Variants in ZNF385D observed in about 807,000 individuals in gnomAD.
The protein encoded by ZNF385D is zinc finger protein 385D.
A neutral mutation model predicts 35.8 loss-of-function variants in ZNF385D; 15 were observed. The ratio of observed to expected loss-of-function variants is 0.42; its 90% CI spans 0.28 to 0.64. The LOEUF (loss-of-function observed/expected upper bound fraction) is 0.64, where lower values mean the gene tolerates loss of function less well. Among genes scored for constraint, ZNF385D ranks in the 30% least tolerant of loss-of-function variants. ZNF385D has a pLI of 0.23. For synonymous variants in ZNF385D, 212 were observed against 186.8 expected (o/e 1.13, Z -1.10); for missense variants, 474 against 494.6 (o/e 0.96, Z 0.39).
intron 3 of ZNF385D, among the ~76,000 whole-genome samples, chr3:21,871,267 A>G (rs1157352462): frequency 6.6e-6 from 1 of 152,156 alleles, no homozygotes; most frequent in East Asian, 1.9e-4. Flanking sequence ...GATCTGCTCC[A>G]ATGTCACATT....
chr3:22,226,034 G>A (rs761127253), intron 2 of ZNF385D, among the ~76,000 whole-genome samples: 1 of 151,782 alleles, frequency 6.6e-6, no homozygotes, highest in Non-Finnish European at 1.5e-5. Flanking sequence ...ACTTCCATAT[G>A]CACAGTACTG....
At chr3:21,575,203 G>A (rs2063461358) in intron 2 of ZNF385D, among the ~76,000 whole-genome samples, 2 of 152,122 alleles carry the variant, frequency 1.3e-5, no homozygotes, top group Admixed American at 1.3e-4. Context: ...TACTTTCTAT[G>A]GGATTTGAGT....
chr3:21,692,321 T>C (rs1279542588), intron 1 of ZNF385D, among the ~76,000 whole-genome samples: 4 of 152,284 alleles, frequency 2.6e-5, no homozygotes, highest in Middle Eastern at 3.4e-3. Context: ...TCCCACTACA[T>C]TCCTGACTCC....
intron 4 of ZNF385D, among the ~76,000 whole-genome samples, chr3:21,438,153 G>A (rs1028535904): frequency 1.1e-4 from 16 of 152,072 alleles, no homozygotes; most frequent in East Asian, 7.7e-4. Flanking sequence ...TCACTGTTAC[G>A]TTAGCAATGT....
At chr3:21,734,264 A>G (rs1276747615) in intron 1 of ZNF385D, among the ~76,000 whole-genome samples, 8 of 134,480 alleles carry the variant, frequency 5.9e-5, no homozygotes. Context: ...ACTAGGCAGT[A>G]GGAAACCCAG....
chr3:22,159,135 T>TA (rs1161844818), intron 3 of ZNF385D, among the ~76,000 whole-genome samples: 1 of 151,690 alleles, frequency 6.6e-6, no homozygotes, highest in African/African-American at 2.4e-5. Flanking sequence ...GTTCACACAT[T>TA]AAAAAAAATT....
chr3:21,934,625 G>T (rs749367327), intron 3 of ZNF385D, among the ~76,000 whole-genome samples: 5 of 152,194 alleles, frequency 3.3e-5, no homozygotes, highest in East Asian at 3.9e-4. Flanking sequence ...ATTAGAAATA[G>T]ATTACAATTA....
chr3:21,427,804 T>C (rs949163258), intron 5 of ZNF385D, among the ~76,000 whole-genome samples: 3 of 152,164 alleles, frequency 2.0e-5, no homozygotes, highest in Non-Finnish European at 2.9e-5. Flanking sequence ...TATTTAAGTA[T>C]AGTCTCTCCA....
At chr3:21,972,756 A>C (rs1233559424) in intron 3 of ZNF385D, among the ~76,000 whole-genome samples, 1 of 151,918 alleles carries the variant, frequency 6.6e-6, no homozygotes, top group Non-Finnish European at 1.5e-5. Context: ...TACAACTAAT[A>C]CCACAGAAAT....
intron 3 of ZNF385D, among the ~76,000 whole-genome samples, chr3:21,884,554 A>G (rs1450881121): frequency 1.3e-5 from 2 of 152,066 alleles, no homozygotes; most frequent in Non-Finnish European, 2.9e-5. Flanking sequence ...AGTTTTCAAC[A>G]CAGCCAACAT....
intron 4 of ZNF385D, among the ~76,000 whole-genome samples, chr3:21,469,376 T>G (rs1414936279): frequency 1.3e-5 from 2 of 152,224 alleles, no homozygotes; most frequent in East Asian, 3.8e-4. Context: ...TGCCTCCAGC[T>G]GACCTCATAC....
At chr3:22,034,800 A>G (rs1698211462) in intron 3 of ZNF385D, among the ~76,000 whole-genome samples, 1 of 152,178 alleles carries the variant, frequency 6.6e-6, no homozygotes, top group South Asian at 2.1e-4. Context: ...CAATAATGAG[A>G]GAAAATATTT....
At position 21,664,930 on chromosome 3, in the gene ZNF385D, G is replaced by A. The variant is rs1296434152; in HGVS notation, c.121C>T (p.Leu41Phe). 3 of 1,613,776 alleles carry A rather than the reference G, an allele frequency of 1.9e-6. No homozygotes were observed. The South Asian group carries it at 3.3e-5, about 18-fold the overall frequency. The stretch of plus-strand genomic sequence containing the variant: ...AGGTTGACTGCAGCTGCAGTGTCAA[G>A]AGGAAAGGGAAGAAATGGTTTAATA... Reference protein sequence around the residue: ...LDIKPFLPFPLDTAAAVNLFP... With the variant: ...LDIKPFLPFPFDTAAAVNLFP... Residue 41 changes from leucine (L) to phenylalanine (F), a missense_variant, in exon 2 of 8, where the codon CTT becomes TTT. Coordinates refer to ENST00000281523, the MANE Select transcript of ZNF385D (RefSeq NM_024697.3).
chr3:21,477,143 G>A (rs1704301775), intron 4 of ZNF385D, among the ~76,000 whole-genome samples: 1 of 152,312 alleles, frequency 6.6e-6, no homozygotes, highest in African/African-American at 2.4e-5. Flanking sequence ...TTAATGGAAG[G>A]TTGAGGAGGG....
At chr3:21,729,064 G>A (rs1182125659) in intron 1 of ZNF385D, among the ~76,000 whole-genome samples, 1 of 152,030 alleles carries the variant, frequency 6.6e-6, no homozygotes, top group Non-Finnish European at 1.5e-5. Context: ...CTATTGTTCT[G>A]TAATGCCTGT....
At chr3:21,854,605 T>G (rs771545563) in intron 3 of ZNF385D, among the ~76,000 whole-genome samples, 2 of 151,958 alleles carry the variant, frequency 1.3e-5, no homozygotes, top group Non-Finnish European at 2.9e-5. Flanking sequence ...TCTTATGAGT[T>G]TTTGCTGTAC....
upstream of ZNF385D, among the ~76,000 whole-genome samples, chr3:21,754,637 G>T (rs2070257300): frequency 6.6e-6 from 1 of 151,426 alleles, no homozygotes; most frequent in African/African-American, 2.4e-5. Flanking sequence ...GTTTTAAAAT[G>T]CCTTTGTCCC....
intron 4 of ZNF385D, among the ~76,000 whole-genome samples, chr3:21,482,708 G>C (rs1245615419): frequency 6.6e-6 from 1 of 152,076 alleles, no homozygotes; most frequent in Non-Finnish European, 1.5e-5. Flanking sequence ...CAAATGTAAG[G>C]CTTTGAATAA....
intron 2 of ZNF385D, among the ~76,000 whole-genome samples, chr3:22,359,065 CA>C (rs201862280): frequency 8.7e-6 from 1 of 115,162 alleles, no homozygotes; most frequent in Non-Finnish European, 1.9e-5. Flanking sequence ...AACAAACAAA[CA>C]AAAAAACCAA....
Sources: allele counts gnomAD v4.1 joint callset (sites outside exome capture counted in the v4.1 genomes callset), GRCh38; gene constraint gnomAD v4.1.1; transcripts MANE v1.5; gene names NCBI Gene and HGNC (gene_info 2026-07-23, HGNC 2026-07-21).